LDB2: variants seen among roughly 807,000 people sequenced by gnomAD.
LDB2 encodes the protein LIM domain-binding protein 2.
In LDB2, 12 loss-of-function variants were observed where a neutral mutation model predicts 44.3. The observed-to-expected ratio is 0.27, with a 90% CI of 0.17 to 0.44. The LOEUF (loss-of-function observed/expected upper bound fraction) is 0.44. Ranked by LOEUF, LDB2 falls within the 20% of genes least tolerant of loss-of-function variation. LDB2 has a pLI of 1.00. For synonymous variants in LDB2, 164 were observed against 174.8 expected, an observed-to-expected ratio of 0.94 and a Z score of 0.49; for missense variants, 344 against 473.5, an observed-to-expected ratio of 0.73 and a Z score of 2.54.
chr4:16,849,641 T>G (rs1315344318), intron 1 of LDB2, among the ~76,000 whole-genome samples: 1 of 152,230 alleles, frequency 6.6e-6, no homozygotes, highest in Non-Finnish European at 1.5e-5. Flanking sequence ...TTTAATACAG[T>G]GACACTTCAT....
At chr4:16,623,968 A>G (rs1277711118) in intron 2 of LDB2, among the ~76,000 whole-genome samples, 3 of 152,212 alleles carry the variant, frequency 2.0e-5, no homozygotes, top group Non-Finnish European at 2.9e-5. Flanking sequence ...CCACAACTAC[A>G]ATATGCTGTT....
At chr4:16,725,215 G>A (rs1350470621) in intron 2 of LDB2, among the ~76,000 whole-genome samples, 1 of 151,858 alleles carries the variant, frequency 6.6e-6, no homozygotes, top group East Asian at 1.9e-4. Flanking sequence ...CTAAATAGCT[G>A]TCTACCTCTT....
chr4:16,738,760 G>A (rs1220951335), intron 2 of LDB2, among the ~76,000 whole-genome samples: 3 of 152,208 alleles, frequency 2.0e-5, no homozygotes, highest in Non-Finnish European at 2.9e-5. Flanking sequence ...AGTGTTAAGT[G>A]TAGAATGAAT....
intron 1 of LDB2, among the ~76,000 whole-genome samples, chr4:16,883,321 T>C (rs538784940): frequency 2.4e-4 from 36 of 152,322 alleles, no homozygotes; most frequent in African/African-American, 8.2e-4. Flanking sequence ...TTGGTGTTCA[T>C]AGCTCATCTA....
chr4:16,833,900 G>A (rs1161494554), intron 1 of LDB2, among the ~76,000 whole-genome samples: 1 of 152,024 alleles, frequency 6.6e-6, no homozygotes, highest in Non-Finnish European at 1.5e-5. Context: ...GCTCCCCTGG[G>A]CACACCTCCA....
chr4:16,502,463 G>T lies in LDB2; in HGVS notation c.*180C>A. The T allele has an allele frequency of 1.2e-6, 1 of 859,150 alleles. No homozygotes were observed. Among genetic ancestry groups the T allele is most frequent in the Non-Finnish European group, 1.8e-6 (1 of 563,084 alleles). 53.2% of individuals were successfully genotyped at this position (859,150 alleles called of 1,614,324 possible). A position where few individuals can be genotyped will look rare whatever the true frequency, so the allele number is the denominator to read the frequency against. On this transcript the variant is annotated 3_prime_UTR_variant, in exon 8 of 8. Coordinates refer to ENST00000304523, the MANE Select transcript of LDB2 (RefSeq NM_001290.5). ...AGAAAGGGTCATGGAAGCTTACTGG[G>T]AATAATCCTCTCAATTAGAAAAAAA...
intron 1 of LDB2, among the ~76,000 whole-genome samples, chr4:16,863,039 G>A (rs529599211): frequency 3.3e-5 from 5 of 152,114 alleles, no homozygotes; most frequent in Non-Finnish European, 5.9e-5. Flanking sequence ...CAGAGGGCAC[G>A]GGCTCCAGCC....
intron 5 of LDB2, among the ~76,000 whole-genome samples, chr4:16,585,325 T>C (rs754187233): frequency 6.6e-6 from 1 of 152,018 alleles, no homozygotes; most frequent in Non-Finnish European, 1.5e-5. Flanking sequence ...GCAGGGGTGT[T>C]AGGATGGGCG....
chr4:16,875,463 A>G (rs921115704), intron 1 of LDB2, among the ~76,000 whole-genome samples: 1 of 152,190 alleles, frequency 6.6e-6, no homozygotes, highest in Non-Finnish European at 1.5e-5. Context: ...AAGCTCATGG[A>G]GAAGAAAAAA....
intron 2 of LDB2, among the ~76,000 whole-genome samples, chr4:16,713,523 C>T (rs1372303605): frequency 6.6e-6 from 1 of 152,112 alleles, no homozygotes; most frequent in Admixed American, 6.5e-5. Flanking sequence ...GATTGCTAAC[C>T]TCAACTGAGT....
intron 2 of LDB2, among the ~76,000 whole-genome samples, chr4:16,701,557 C>T (rs1753437390): frequency 6.6e-6 from 1 of 152,262 alleles, no homozygotes; most frequent in South Asian, 2.1e-4. Context: ...TGATCGTAAC[C>T]CGCATTCTTG....
intron 1 of LDB2, among the ~76,000 whole-genome samples, chr4:16,766,663 G>A (rs1447171601): frequency 2.6e-5 from 4 of 151,492 alleles, no homozygotes; most frequent in Non-Finnish European, 5.9e-5. Flanking sequence ...CCACCACCAC[G>A]CCCAGCTAAT....
intron 1 of LDB2, among the ~76,000 whole-genome samples, chr4:16,840,041 C>T (rs749275343): frequency 6.6e-6 from 1 of 152,170 alleles, no homozygotes; most frequent in Non-Finnish European, 1.5e-5. Context: ...TAAATACATA[C>T]TATGTCTATA....
In LDB2 at chr4:16,595,700, T is replaced by C; in HGVS notation, c.408+3A>G. ...CGGGCATGTGACAGAGCCTGTCCTG[T>C]ACCTTGGTAAACATGGGCTTCCCGT... is the stretch of plus-strand genomic sequence containing the variant. On this transcript the variant is annotated splice_donor_region_variant and intron_variant, in intron 3 of 7. Transcript: ENST00000304523. The C allele has an allele frequency of 2.5e-6, 4 of 1,612,934 alleles. No individual in the cohort carries two copies. The highest frequency in any genetic ancestry group is 3.4e-6 in the Non-Finnish European group (4 of 1,179,560).
At chr4:16,816,744 C>T (rs752797325) in intron 1 of LDB2, among the ~76,000 whole-genome samples, 168 of 152,192 alleles carry the variant, frequency 1.1e-3, no homozygotes, top group Non-Finnish European at 1.9e-3. Flanking sequence ...CAGCTTCTAA[C>T]TCATCCTGTT....
chr4:16,720,489 T>C (rs976786799), intron 2 of LDB2, among the ~76,000 whole-genome samples: 1 of 152,134 alleles, frequency 6.6e-6, no homozygotes, highest in Non-Finnish European at 1.5e-5. Context: ...ATATGTCTCC[T>C]ACCGGTTTTG....
At chr4:16,755,528 T>TGTGTGTGTGTGTGTGTGA (rs1561114447) in intron 2 of LDB2, among the ~76,000 whole-genome samples, 1 of 134,970 alleles carries the variant, frequency 7.4e-6, no homozygotes, top group African/African-American at 2.7e-5. Context: ...TGTGTGTATG[T>TGTGTGTGTGTGTGTGTGA]GAGAGAGAGA....
chr4:16,847,649 G>A (rs189231246), intron 1 of LDB2, among the ~76,000 whole-genome samples: 1 of 151,888 alleles, frequency 6.6e-6, no homozygotes, highest in South Asian at 2.1e-4. Flanking sequence ...ACGGAGTCTC[G>A]CTCTGTCGCC....
chr4:16,591,562 G>A (rs1325782164), intron 3 of LDB2, among the ~76,000 whole-genome samples: 1 of 152,158 alleles, frequency 6.6e-6, no homozygotes, highest in Non-Finnish European at 1.5e-5. Flanking sequence ...AAGGACAGAG[G>A]AGGATTTTGG....
Sources: allele counts gnomAD v4.1 joint callset (sites outside exome capture counted in the v4.1 genomes callset), GRCh38; gene constraint gnomAD v4.1.1; transcripts MANE v1.5; gene names NCBI Gene and HGNC (gene_info 2026-07-23, HGNC 2026-07-21).